NEK1: variants seen among roughly 807,000 people sequenced by gnomAD.
NEK1 encodes serine/threonine-protein kinase Nek1.
Under a neutral mutation model 182.1 loss-of-function variants are expected in NEK1, and 137 were observed. The ratio of observed to expected loss-of-function variants is 0.75; its 90% CI spans 0.65 to 0.87. The LOEUF (loss-of-function observed/expected upper bound fraction) is 0.87, where lower values mean the gene tolerates loss of function less well. NEK1 is among the 40% of genes least tolerant of loss of function. The probability of loss-of-function intolerance (pLI) is 0.00; values close to 1 mark genes in which losing one functional copy is unlikely to be tolerated. For synonymous variants in NEK1, 513 were observed against 492.2 expected, an observed-to-expected ratio of 1.04 and a Z score of -0.56; for missense variants, 1,391 against 1,494.4, an observed-to-expected ratio of 0.93 and a Z score of 1.14.
chr4:169,579,174 A>G (rs1218793615), intron 11 of NEK1, among the ~76,000 whole-genome samples: 1 of 152,232 alleles, frequency 6.6e-6, no homozygotes, highest in Non-Finnish European at 1.5e-5. Context: ...TACCTATGGC[A>G]TGAAGTTTAA....
chr4:169,500,798 G>A (rs2149666150), intron 23 of NEK1, among the ~76,000 whole-genome samples: 1 of 152,292 alleles, frequency 6.6e-6, no homozygotes, highest in Non-Finnish European at 1.5e-5. Flanking sequence ...GATACTTGCT[G>A]CCACAAAAGT....
At chr4:169,545,618 A>G (rs1458480995) in intron 18 of NEK1, among the ~76,000 whole-genome samples, 1 of 148,106 alleles carries the variant, frequency 6.8e-6, no homozygotes, top group African/African-American at 2.5e-5. Context: ...TCCCTGAGGA[A>G]TCGCCACACT....
intron 27 of NEK1, among the ~76,000 whole-genome samples, chr4:169,456,227 G>A (rs895632416): frequency 1.3e-5 from 2 of 151,954 alleles, no homozygotes; most frequent in South Asian, 2.1e-4. Flanking sequence ...GTACTAAGAC[G>A]GAAGTTTATA....
intron 2 of NEK1, among the ~76,000 whole-genome samples, chr4:169,605,225 A>G (rs1009668384): frequency 2.0e-5 from 3 of 152,176 alleles, no homozygotes; most frequent in African/African-American, 7.2e-5. Context: ...GACCACACTA[A>G]TAAGACAGAA....
At chr4:169,431,500 TATGTAC>T (rs1456238997) in intron 29 of NEK1, among the ~76,000 whole-genome samples, 4 of 137,464 alleles carry the variant, frequency 2.9e-5, no homozygotes, top group African/African-American at 1.1e-4. Flanking sequence ...TAATTAAAAG[TATGTAC>T]TAGCTTACTG....
At chr4:169,478,904 G>A (rs1747468876) in intron 24 of NEK1, among the ~76,000 whole-genome samples, 1 of 152,050 alleles carries the variant, frequency 6.6e-6, no homozygotes, top group African/African-American at 2.4e-5. Flanking sequence ...TATCTGTAGG[G>A]CATGACAGAG....
Position 169,475,038 on chromosome 4 carries a change from C to A in NEK1, c.2434+2086G>T, listed in dbSNP as rs1326510970. 2.0e-5 allele frequency among the ~76,000 whole-genome samples: 3 copies of A among 151,930 alleles called. No homozygotes were observed. The East Asian group carries it at 5.8e-4, about 29-fold the overall frequency. ...ATGGGTCCCTGAGAGAGGGAAAAAA[C>A]AAAAACAAAAACAAATGAGATGATC... is the stretch of plus-strand genomic sequence containing the variant. On this transcript the variant is annotated intron_variant, in intron 26 of 35. Coordinates refer to ENST00000507142, the MANE Select transcript of NEK1 (RefSeq NM_001199397.3).
At chr4:169,508,459 C>T (rs757951276) in intron 20 of NEK1, 128 bp from the exon 21 acceptor site, 71 of 667,242 alleles carry the variant, frequency 1.1e-4, no homozygotes, top group Admixed American at 4.7e-4. Context: ...TTCTGAAATC[C>T]GGTTAATGGA....
intron 19 of NEK1, among the ~76,000 whole-genome samples, chr4:169,534,991 G>T (rs1285309553): frequency 2.0e-5 from 3 of 152,078 alleles, no homozygotes; most frequent in Admixed American, 6.6e-5. Flanking sequence ...GACATGGAAG[G>T]TATAAAAACA....
At chr4:169,570,476 C>T (rs367617759) in intron 12 of NEK1, among the ~76,000 whole-genome samples, 6 of 150,234 alleles carry the variant, frequency 4.0e-5, no homozygotes, top group Non-Finnish European at 5.9e-5. Flanking sequence ...GCCCCCCGCC[C>T]GGCCAGCCGC....
intron 26 of NEK1, among the ~76,000 whole-genome samples, chr4:169,471,735 TC>T (rs898504317): frequency 2.0e-5 from 3 of 152,042 alleles, no homozygotes; most frequent in African/African-American, 7.2e-5. Context: ...AGCTGCCCCT[TC>T]CCCCAGGTGC....
chr4:169,507,110 G>A lies in NEK1; in HGVS notation c.1934C>T (p.Ala645Val). 1.2e-6 allele frequency: 2 copies of A among 1,601,146 alleles called. No individual in the cohort carries two copies. Among genetic ancestry groups the A allele is most frequent in the Non-Finnish European group, 1.7e-6 (2 of 1,174,496 alleles). Residue 645 changes from alanine to valine, a missense_variant, in exon 23 of 36, where the codon GCT becomes GTT. Ala to Val is a moderately conservative substitution (Grantham distance 64, BLOSUM62 0). Coordinates refer to ENST00000507142, the MANE Select transcript of NEK1 (RefSeq NM_001199397.3). ...TCGTTCTAGTTGTTCTTTTAGTACA[G>A]CAGCACGTGCATTTGCATGGGCCTA... ...SLKAHANARA[A>V]VLKEQLERKR...
intron 5 of NEK1, among the ~76,000 whole-genome samples, chr4:169,595,098 G>A (rs965126250): frequency 2.0e-5 from 3 of 152,044 alleles, no homozygotes; most frequent in South Asian, 2.1e-4. Flanking sequence ...AGACTCTTGG[G>A]TACAAGTTTC....
chr4:169,442,004 G>A (rs1029850330), intron 27 of NEK1, among the ~76,000 whole-genome samples: 7 of 152,006 alleles, frequency 4.6e-5, no homozygotes, highest in Non-Finnish European at 1.0e-4. Flanking sequence ...TGCACTAAAG[G>A]CCTGGAGACT....
At chr4:169,531,736 C>T (rs914862108) in intron 19 of NEK1, among the ~76,000 whole-genome samples, 4 of 152,050 alleles carry the variant, frequency 2.6e-5, no homozygotes, top group Non-Finnish European at 4.4e-5. Context: ...AGTTCAGTTA[C>T]ACATAACGAG....
chr4:169,457,483 T>TG (rs1468751093), intron 27 of NEK1, among the ~76,000 whole-genome samples: 2 of 149,694 alleles, frequency 1.3e-5, no homozygotes, highest in Non-Finnish European at 3.0e-5. Flanking sequence ...CCCGGTATGG[T>TG]GGCACATGCC....
chr4:169,472,752 C>T (rs1344455867), intron 26 of NEK1, among the ~76,000 whole-genome samples: 1 of 152,148 alleles, frequency 6.6e-6, no homozygotes, highest in Non-Finnish European at 1.5e-5. Flanking sequence ...ATGTTTTTGT[C>T]CTCACATTCA....
At chr4:169,407,712 T>C (rs1732892283) in intron 31 of NEK1, among the ~76,000 whole-genome samples, 1 of 152,188 alleles carries the variant, frequency 6.6e-6, no homozygotes, top group African/African-American at 2.4e-5. Flanking sequence ...CCTAAAGGAA[T>C]CTGTGAGATT....
chr4:169,466,974 G>A (rs1745050882), intron 26 of NEK1, among the ~76,000 whole-genome samples: 1 of 151,976 alleles, frequency 6.6e-6, no homozygotes, highest in African/African-American at 2.4e-5. Context: ...TTCCACCTAT[G>A]CCACCCCTCA....
Sources: gnomAD v4.1 joint callset for allele counts (sites outside exome capture counted in the v4.1 genomes callset) on GRCh38, gnomAD v4.1.1 for gene constraint, MANE v1.5 for transcripts, NCBI Gene and HGNC (gene_info 2026-07-23, HGNC 2026-07-21) for gene names.